Variants in EFHB observed in about 807,000 individuals in gnomAD.
EFHB encodes EF-hand domain family member B.
In EFHB, 91 loss-of-function variants were observed where a neutral mutation model predicts 87.2. That is an observed-to-expected ratio of 1.04 (90% CI 0.88 to 1.24). EFHB has a LOEUF of 1.24. Among genes scored for constraint, EFHB ranks in the 50% most tolerant of loss-of-function variants. The pLI is 0.00. For missense variants in EFHB, 1,084 were observed against 998.8 expected, an observed-to-expected ratio of 1.09 and a Z score of -1.15; for synonymous variants, 325 against 333.6, an observed-to-expected ratio of 0.97 and a Z score of 0.28.
Position 19,898,830 on chromosome 3 carries a change from C to T in EFHB, c.1518G>A (p.Met506Ile). 6.2e-7 allele frequency: 1 copy of T among 1,613,732 alleles called. No homozygotes were observed. The highest frequency in any genetic ancestry group is 8.5e-7 in the Non-Finnish European group (1 of 1,179,798). ...CAAATGTGCAGTCTGGGGGAACATT[C>T]ATTGTTTCTGCAATGCTATCAAAGA... ...GRVLDPIAET[M>I]NVPPDCTFGA... The change falls in exon 8 of 13, where the codon ATG becomes ATA. Residue 506 changes from methionine (M) to isoleucine (I), a missense_variant. Transcript: ENST00000295824.
Position 19,920,507 on chromosome 3 carries a change from T to G in EFHB, c.850A>C (p.Arg284=). The change falls in exon 2 of 13, where the codon AGG becomes CGG. Residue 284 remains arginine, a splice_region_variant and synonymous_variant. Transcript: ENST00000295824. ...VATCLTEKLP[R]LITPPEAKKY... is the part of the protein sequence containing the mutation. ...AAAGGTATATTGAAAGTGCTCACCC[T>G]GGGAAGTTTTTCAGTCAAGCAGGTT... The G allele has an allele frequency of 6.2e-7, 1 of 1,602,246 alleles. No individual in the cohort carries two copies.
intron 1 of EFHB, among the ~76,000 whole-genome samples, chr3:19,944,256 G>A (rs1214552130): frequency 6.6e-6 from 1 of 152,214 alleles, no homozygotes; most frequent in Non-Finnish European, 1.5e-5. Context: ...TTTCCTGGAA[G>A]AGAAGGAAAA....
At chr3:19,882,435 A>G in intron 12 of EFHB, 115 bp downstream of exon 12, 1 of 963,666 alleles carries the variant, frequency 1.0e-6, no homozygotes, top group Non-Finnish European at 1.4e-6. Context: ...CAAGAATCCT[A>G]TACTTGGGGA....
At chr3:19,946,483 G>C (rs776997218) in intron 1 of EFHB, among the ~76,000 whole-genome samples, 3 of 152,262 alleles carry the variant, frequency 2.0e-5, no homozygotes, top group Non-Finnish European at 2.9e-5. Context: ...ATAAAAGGCA[G>C]ACACTATTTT....
At chr3:19,921,104 T>C (rs374452874) in intron 1 of EFHB, among the ~76,000 whole-genome samples, 2 of 152,146 alleles carry the variant, frequency 1.3e-5, no homozygotes, top group South Asian at 2.1e-4. Flanking sequence ...CTTCCCATAG[T>C]GTTCTGGGTC....
Position 19,888,545 on chromosome 3 carries a change from A to C in EFHB, c.1832T>G (p.Val611Gly). 2 of 1,594,062 alleles carry C rather than the reference A, an allele frequency of 1.3e-6. No homozygotes were observed. Among genetic ancestry groups the C allele is most frequent in the Non-Finnish European group, 1.7e-6 (2 of 1,169,114 alleles). Reference protein sequence around the residue: ...LLDQLFDYCDVDNDGFINYLE... With the variant: ...LLDQLFDYCDGDNDGFINYLE... ...ATAGTTAATGAAGCCATCATTATCC[A>C]CATCACAGTAGTCAAATAGCTGGTC... The change falls in exon 10 of 13, where the codon GTG becomes GGG. Residue 611 changes from valine to glycine, a missense_variant. Physicochemically the swap from Val to Gly is moderately radical, Grantham distance 109 (BLOSUM62 -3). Coordinates refer to ENST00000295824, the MANE Select transcript of EFHB (RefSeq NM_144715.4).
At chr3:19,936,180 T>A, upstream of EFHB, 1 of 1,230,128 alleles carries the variant, frequency 8.1e-7, no homozygotes, top group Non-Finnish European at 1.2e-6. Flanking sequence ...GCAGAAGAAT[T>A]GCTTAACGCC....
Position 19,926,880 on chromosome 3 carries a change from G to A in EFHB, c.790-6313C>T, listed in dbSNP as rs547597597. 3.6e-4 allele frequency among the ~76,000 whole-genome samples: 54 copies of A among 151,204 alleles called. 1 individual carries two copies. Among genetic ancestry groups the A allele is most frequent in the Middle Eastern group, 3.4e-3 (1 of 292 alleles). On this transcript the variant is annotated intron_variant, in intron 1 of 12. Transcript: ENST00000295824. The stretch of plus-strand genomic sequence containing the variant: ...TCTCTATGTTGGTCAGGCTGGTCTC[G>A]AACTCCCAACCTCAGGTGATCCACC...
intron 1 of EFHB, chr3:19,942,214 C>G (rs748139210): frequency 3.9e-5 from 6 of 152,274 alleles, no homozygotes; most frequent in Non-Finnish European, 8.8e-5. Flanking sequence ...CAGCACATTT[C>G]ATTGAGCTCC....
At chr3:19,920,765 A>G (rs1341904930) in intron 1 of EFHB, among the ~76,000 whole-genome samples, 198 bp from the exon 2 acceptor site, 1 of 152,228 alleles carries the variant, frequency 6.6e-6, no homozygotes, top group East Asian at 1.9e-4. Flanking sequence ...TATATTATAA[A>G]CATTTATAAA....
At chr3:19,905,537 C>T in intron 6 of EFHB, 83 bp downstream of exon 6, 1 of 1,447,260 alleles carries the variant, frequency 6.9e-7, no homozygotes, top group Non-Finnish European at 9.4e-7. Context: ...ATTACCTCTT[C>T]AAAAAATAAA....
chr3:19,925,477 T>G (rs971906146), intron 1 of EFHB, among the ~76,000 whole-genome samples: 4 of 152,116 alleles, frequency 2.6e-5, no homozygotes, highest in African/African-American at 9.7e-5. Context: ...TCTCTGTCAG[T>G]GAGAAAAGGG....
At chr3:19,889,924 T>C (rs1464114413) in intron 9 of EFHB, among the ~76,000 whole-genome samples, 3 of 152,044 alleles carry the variant, frequency 2.0e-5, no homozygotes, top group African/African-American at 7.3e-5. Context: ...GAGGCCGAGG[T>C]TGCAGTGAGC....
chr3:19,909,038 C>T (rs1447413726), intron 5 of EFHB, among the ~76,000 whole-genome samples: 1 of 126,310 alleles, frequency 7.9e-6, no homozygotes, highest in Non-Finnish European at 1.6e-5. Context: ...ACACCCGCCC[C>T]CCACCCCCTA....
upstream of EFHB, among the ~76,000 whole-genome samples, chr3:19,937,884 T>C (rs1379837994): frequency 2.0e-5 from 3 of 152,210 alleles, no homozygotes; most frequent in Non-Finnish European, 4.4e-5. Context: ...AAATTGTGAC[T>C]GTCAGTGCTT....
chr3:19,925,228 C>A (rs1201347018), intron 1 of EFHB, among the ~76,000 whole-genome samples: 43 of 139,142 alleles, frequency 3.1e-4, no homozygotes, highest in African/African-American at 1.2e-3. Context: ...GGCGACAGAG[C>A]TAGACTCCTT....
In EFHB at chr3:19,879,635, A is replaced by G; in HGVS notation, c.2498T>C (p.Met833Thr). The G allele has an allele frequency of 6.4e-7, 1 of 1,562,704 alleles. No homozygotes were observed. Among genetic ancestry groups the G allele is most frequent in the South Asian group, 1.2e-5 (1 of 83,186 alleles). ...HADRIKCKTL[M>T] ...AATGAATGAAGTCCAAAAATATCAC[A>G]TGAGTGTTTTACACTTGATCCGGTC... is the stretch of plus-strand genomic sequence containing the variant. The change falls in exon 13 of 13, where the codon ATG becomes ACG. Residue 833 changes from methionine (M) to threonine (T), a missense_variant. Physicochemically the swap from Met to Thr is moderately conservative, Grantham distance 81. Transcript: ENST00000295824.
chr3:19,909,465 G>A (rs958969979), intron 5 of EFHB, among the ~76,000 whole-genome samples: 1 of 152,186 alleles, frequency 6.6e-6, no homozygotes, highest in Middle Eastern at 3.2e-3. Flanking sequence ...GTGTCTCCAA[G>A]TAACCTTGAA....
At chr3:19,887,883 T>C (rs1314626291) in intron 10 of EFHB, among the ~76,000 whole-genome samples, 2 of 152,360 alleles carry the variant, frequency 1.3e-5, no homozygotes, top group East Asian at 3.9e-4. Context: ...ACTACTCAGA[T>C]AATCGTTTTT....
Sources: allele counts gnomAD v4.1 joint callset (sites outside exome capture counted in the v4.1 genomes callset), GRCh38; gene constraint gnomAD v4.1.1; transcripts MANE v1.5; gene names NCBI Gene and HGNC (gene_info 2026-07-23, HGNC 2026-07-21).